PTGES3: variants seen among roughly 807,000 people sequenced by gnomAD.
PTGES3 encodes prostaglandin E synthase 3.
Under a neutral mutation model 29.9 loss-of-function variants are expected in PTGES3, and 5 were observed. That is an observed-to-expected ratio of 0.17 (90% CI 0.09 to 0.35). The LOEUF (loss-of-function observed/expected upper bound fraction) is 0.35, where lower values mean the gene tolerates loss of function less well. PTGES3 is among the 10% of genes least tolerant of loss of function. The probability of loss-of-function intolerance (pLI) is 1.00; values close to 1 mark genes in which losing one functional copy is unlikely to be tolerated. For missense variants in PTGES3, 128 were observed against 190.0 expected (o/e 0.67, Z 1.92); for synonymous variants, 49 against 57.8 (o/e 0.85, Z 0.69).
intron 1 of PTGES3, among the ~76,000 whole-genome samples, chr12:56,673,769 G>T (rs1302324073): frequency 7.2e-6 from 1 of 138,428 alleles, no homozygotes; most frequent in East Asian, 2.1e-4. Context: ...CTCCAGCCTG[G>T]CAACAGAGCG....
At chr12:56,668,901 A>G (rs1212248880) in intron 5 of PTGES3, among the ~76,000 whole-genome samples, 1 of 151,864 alleles carries the variant, frequency 6.6e-6, no homozygotes, top group East Asian at 1.9e-4. Flanking sequence ...ATAGAGATGA[A>G]TCATTTATTC....
At chr12:56,682,916 C>G (rs1038025101) in intron 1 of PTGES3, among the ~76,000 whole-genome samples, 1 of 151,896 alleles carries the variant, frequency 6.6e-6, no homozygotes, top group African/African-American at 2.4e-5. Flanking sequence ...ATCGCTTGAA[C>G]CTAGGAGGCA....
At chr12:56,671,118 G>A (rs1411032376) in intron 4 of PTGES3, among the ~76,000 whole-genome samples, 1 of 151,998 alleles carries the variant, frequency 6.6e-6, no homozygotes, top group Non-Finnish European at 1.5e-5. Flanking sequence ...AAAAAGACTA[G>A]GCTGGTGTCG....
chr12:56,669,563 G>T (rs1480411514), intron 5 of PTGES3, among the ~76,000 whole-genome samples: 1 of 152,232 alleles, frequency 6.6e-6, no homozygotes, highest in East Asian at 1.9e-4. Context: ...GATTACAGGC[G>T]TGAGCCACCG....
At chr12:56,672,186 G>A (rs928235529) in intron 3 of PTGES3, among the ~76,000 whole-genome samples, 1 of 152,084 alleles carries the variant, frequency 6.6e-6, no homozygotes, top group Non-Finnish European at 1.5e-5. Context: ...ACCACAGAAT[G>A]GTTTAAAGAT....
intron 1 of PTGES3, chr12:56,687,406 C>CTGGA: frequency 4.1e-6 from 4 of 987,486 alleles, no homozygotes; most frequent in Non-Finnish European, 4.8e-6. Context: ...AGGAGGCGGA[C>CTGGA]TGGAAGTACC....
At chr12:56,669,159 A>C (rs1951900171) in intron 5 of PTGES3, among the ~76,000 whole-genome samples, 1 of 151,228 alleles carries the variant, frequency 6.6e-6, no homozygotes, top group African/African-American at 2.4e-5. Flanking sequence ...ACAGGCGTGC[A>C]CTACCACGCC....
At chr12:56,667,084 T>A (rs1951820162) in intron 5 of PTGES3, among the ~76,000 whole-genome samples, 1 of 152,002 alleles carries the variant, frequency 6.6e-6, no homozygotes, top group Non-Finnish European at 1.5e-5. Context: ...CACGCCCAGT[T>A]AGTTTTTGTA....
At chr12:56,681,975 T>C (rs866205142) in intron 1 of PTGES3, among the ~76,000 whole-genome samples, 1 of 152,132 alleles carries the variant, frequency 6.6e-6, no homozygotes. Context: ...GCCTCCCAAG[T>C]AGCTGGGATT....
At chr12:56,666,375 TG>T in intron 5 of PTGES3, 109 bp from the exon 6 acceptor site, 1 of 1,292,852 alleles carries the variant, frequency 7.7e-7, no homozygotes, top group Non-Finnish European at 1.0e-6. Flanking sequence ...TATCAAAAAA[TG>T]CAAAATGCAA....
intron 1 of PTGES3, among the ~76,000 whole-genome samples, chr12:56,681,374 T>A (rs1275232778): frequency 1.3e-5 from 2 of 150,144 alleles, no homozygotes; most frequent in African/African-American, 4.9e-5. Flanking sequence ...CCGTCTCTAC[T>A]AAAAATACAA....
chr12:56,669,555 T>C (rs1229640098), intron 5 of PTGES3, among the ~76,000 whole-genome samples: 1 of 152,182 alleles, frequency 6.6e-6, no homozygotes, highest in East Asian at 1.9e-4. Context: ...AGTGCTGGGA[T>C]TACAGGCGTG....
chr12:56,681,525 G>C lies in PTGES3; in HGVS notation c.2+6473C>G, dbSNP rs1210943233. On this transcript the variant is annotated intron_variant, in intron 1 of 7. Coordinates refer to ENST00000262033, the MANE Select transcript of PTGES3 (RefSeq NM_006601.7). ...TGCACTCCAGCCTGGGCAACAGAGT[G>C]AGACTCCATCTCAAAAAAAAAAAAA... 4.2e-4 allele frequency among the ~76,000 whole-genome samples: 38 copies of C among 90,012 alleles called. No homozygotes were observed. The Admixed American group carries it at 5.9e-3, about 14-fold the overall frequency. The allele number at this position is 90,012 out of a possible 152,430, so 59.1% of individuals were successfully genotyped here. A position where few individuals can be genotyped will look rare whatever the true frequency, so the allele number is the denominator to read the frequency against.
intron 1 of PTGES3, among the ~76,000 whole-genome samples, chr12:56,680,401 G>A (rs1166407769): frequency 6.6e-6 from 1 of 150,628 alleles, no homozygotes; most frequent in African/African-American, 2.4e-5. Flanking sequence ...TTTTTTTTTG[G>A]GGGGACAGAG....
intron 5 of PTGES3, among the ~76,000 whole-genome samples, chr12:56,667,013 G>A (rs971321599): frequency 6.6e-6 from 1 of 152,104 alleles, no homozygotes; most frequent in African/African-American, 2.4e-5. Context: ...TCCGCTTCCC[G>A]GGTTCAAGGG....
At chr12:56,682,484 C>G (rs567761770) in intron 1 of PTGES3, among the ~76,000 whole-genome samples, 2 of 151,852 alleles carry the variant, frequency 1.3e-5, no homozygotes, top group Non-Finnish European at 2.9e-5. Context: ...TGGCTTGATC[C>G]CAAGTTTGAG....
At chr12:56,680,528 G>A (rs1375054021) in intron 1 of PTGES3, among the ~76,000 whole-genome samples, 1 of 152,102 alleles carries the variant, frequency 6.6e-6, no homozygotes, top group African/African-American at 2.4e-5. Context: ...TGGGGTTACA[G>A]GCATGTGCCG....
At chr12:56,671,691 T>A (rs1455447776) in intron 4 of PTGES3, 58 bp downstream of exon 4, 8 of 1,127,200 alleles carry the variant, frequency 7.1e-6, no homozygotes, top group Non-Finnish European at 1.0e-5. Flanking sequence ...AATAAGTACA[T>A]CTTTTATTAC....
intron 1 of PTGES3, among the ~76,000 whole-genome samples, chr12:56,673,485 GAAAAAAAAAAAAAAAA>G (rs1164653881): frequency 3.2e-5 from 2 of 62,884 alleles, no homozygotes; most frequent in African/African-American, 2.0e-4. Flanking sequence ...TACAAATACG[GAAAAAAAAAAAAAAAA>G]AAAAAAAAAA....
Sources: allele counts gnomAD v4.1 joint callset (sites outside exome capture counted in the v4.1 genomes callset), GRCh38; gene constraint gnomAD v4.1.1; transcripts MANE v1.5; gene names NCBI Gene and HGNC (gene_info 2026-07-23, HGNC 2026-07-21).